MAMDC2: variants seen among roughly 807,000 people sequenced by gnomAD.
MAMDC2 encodes MAM domain-containing protein 2.
Under a neutral mutation model 89.8 loss-of-function variants are expected in MAMDC2, and 57 were observed. That is an observed-to-expected ratio of 0.63 (90% CI 0.51 to 0.79). MAMDC2 has a LOEUF of 0.79. MAMDC2 is among the 30% of genes least tolerant of loss of function. MAMDC2 has a pLI of 0.00. For missense variants in MAMDC2, 800 were observed against 820.6 expected, an observed-to-expected ratio of 0.97 and a Z score of 0.31; for synonymous variants, 313 against 293.4, an observed-to-expected ratio of 1.07 and a Z score of -0.68.
At chr9:70,144,402 T>TCCC (rs1444404885) in intron 9 of MAMDC2, among the ~76,000 whole-genome samples, 14 of 152,322 alleles carry the variant, frequency 9.2e-5, no homozygotes, top group African/African-American at 3.4e-4. Context: ...TAAAAAGAGA[T>TCCC]CTTTATTGCA....
chr9:70,129,341 G>A (rs1388810166), intron 6 of MAMDC2, among the ~76,000 whole-genome samples: 1 of 152,116 alleles, frequency 6.6e-6, no homozygotes, highest in African/African-American at 2.4e-5. Flanking sequence ...GATGTGACTT[G>A]CTCCTCTTTG....
chr9:70,144,569 A>AT (rs1268369600), intron 9 of MAMDC2, among the ~76,000 whole-genome samples: 1 of 152,216 alleles, frequency 6.6e-6, no homozygotes, highest in African/African-American at 2.4e-5. Flanking sequence ...CAATCAGCAA[A>AT]TATCTCTTGA....
intron 4 of MAMDC2, among the ~76,000 whole-genome samples, chr9:70,111,805 G>A (rs1187931878): frequency 6.6e-6 from 1 of 152,244 alleles, no homozygotes; most frequent in African/African-American, 2.4e-5. Flanking sequence ...ACAAAGGTGT[G>A]AGTGGTAAAG....
At chr9:70,151,918 T>C (rs1369755956) in intron 9 of MAMDC2, among the ~76,000 whole-genome samples, 1 of 152,166 alleles carries the variant, frequency 6.6e-6, no homozygotes, top group Admixed American at 6.5e-5. Context: ...CTAAAGCATG[T>C]CAGGTGTGTT....
intron 2 of MAMDC2, among the ~76,000 whole-genome samples, chr9:70,068,855 G>C (rs1298160981): frequency 6.6e-6 from 1 of 152,110 alleles, no homozygotes; most frequent in Non-Finnish European, 1.5e-5. Context: ...GTTTTATTAG[G>C]GGACAGAGGA....
At chr9:70,165,396 C>T (rs1181209942) in intron 9 of MAMDC2, among the ~76,000 whole-genome samples, 1 of 152,182 alleles carries the variant, frequency 6.6e-6, no homozygotes, top group Non-Finnish European at 1.5e-5. Flanking sequence ...TGTGTTAGAT[C>T]AAACAAGCTG....
chr9:70,082,566 C>G (rs1404262553), intron 2 of MAMDC2: 1 of 152,064 alleles, frequency 6.6e-6, no homozygotes, highest in South Asian at 2.1e-4. Flanking sequence ...GGAGTGCTAT[C>G]ATCTTCTAAC....
At chr9:70,166,272 T>C (rs554113198) in intron 9 of MAMDC2, among the ~76,000 whole-genome samples, 797 of 49,836 alleles carry the variant, frequency 0.016, 5 homozygotes, top group African/African-American at 0.025. Flanking sequence ...AATATATATA[T>C]ATATACACAC....
At chr9:70,075,731 T>A (rs1474015619) in intron 2 of MAMDC2, among the ~76,000 whole-genome samples, 1 of 152,130 alleles carries the variant, frequency 6.6e-6, no homozygotes, top group Non-Finnish European at 1.5e-5. Context: ...TACAATTACA[T>A]GTGTATGAAA....
At chr9:70,067,898 G>A (rs1827305634) in intron 2 of MAMDC2, among the ~76,000 whole-genome samples, 1 of 152,154 alleles carries the variant, frequency 6.6e-6, no homozygotes, top group Non-Finnish European at 1.5e-5. Context: ...GTGCCACCTT[G>A]GGCAGCCCCA....
chr9:70,215,573 G>A (rs1010469092), intron 11 of MAMDC2, among the ~76,000 whole-genome samples: 1 of 152,198 alleles, frequency 6.6e-6, no homozygotes, highest in Non-Finnish European at 1.5e-5. Context: ...TGAAATATAT[G>A]TAGTCTTTAG....
intron 2 of MAMDC2, among the ~76,000 whole-genome samples, chr9:70,085,562 T>A (rs1827751554): frequency 6.6e-6 from 1 of 152,112 alleles, no homozygotes; most frequent in South Asian, 2.1e-4. Context: ...TGACGCCATC[T>A]GTGTTTCCCA....
chr9:70,198,503 C>T (rs2033023599), intron 11 of MAMDC2, among the ~76,000 whole-genome samples: 1 of 151,990 alleles, frequency 6.6e-6, no homozygotes, highest in Admixed American at 6.6e-5. Flanking sequence ...AATATATAAG[C>T]CAAGAGTAAC....
Position 70,076,177 on chromosome 9 carries a change from C to T in MAMDC2, c.148+31480C>T, listed in dbSNP as rs576621167. The stretch of plus-strand genomic sequence containing the variant: ...GTGGCTCACGCCTGTAATCCCAGCA[C>T]TTTGGGAGGCTGAGGCGGGCAGATC... On this transcript the variant is annotated intron_variant, in intron 2 of 13. Coordinates refer to ENST00000377182, the MANE Select transcript of MAMDC2 (RefSeq NM_153267.5). Among the ~76,000 whole-genome samples the T allele has an allele frequency of 3.0e-4, 46 of 152,268 alleles. 1 individual carries two copies. Among genetic ancestry groups the T allele is most frequent in the African/African-American group, 1.1e-3 (46 of 41,556 alleles).
intron 2 of MAMDC2, among the ~76,000 whole-genome samples, chr9:70,075,133 G>A (rs1273916154): frequency 2.0e-5 from 3 of 152,152 alleles, no homozygotes; most frequent in Non-Finnish European, 2.9e-5. Context: ...ATTAGCCCTA[G>A]TTTACAGACA....
At chr9:70,126,042 C>A in intron 5 of MAMDC2, 117 bp from the exon 6 acceptor site, 1 of 1,144,918 alleles carries the variant, frequency 8.7e-7, no homozygotes, top group Non-Finnish European at 1.2e-6. Context: ...TCATCCACTT[C>A]CTCCTCACCA....
chr9:70,144,052 AAT>A (rs1250970428), intron 9 of MAMDC2, among the ~76,000 whole-genome samples: 1 of 152,178 alleles, frequency 6.6e-6, no homozygotes, highest in African/African-American at 2.4e-5. Context: ...TTATCTCTTA[AAT>A]TCCCTAAGAC....
intron 2 of MAMDC2, among the ~76,000 whole-genome samples, chr9:70,067,932 A>G (rs1187432029): frequency 6.6e-6 from 1 of 152,240 alleles, no homozygotes; most frequent in East Asian, 1.9e-4. Flanking sequence ...GTGCTGAGCC[A>G]TGTGATCTTA....
Position 70,108,198 on chromosome 9 carries a change from T to C in MAMDC2, c.149-13T>C, listed in dbSNP as rs781446868. ...AAAATTGATCCTTTTCCTATGTTCCTTTCTCTTTCCAGGCCATTACATTTA... is the reference window on the plus strand; with the variant it reads ...AAAATTGATCCTTTTCCTATGTTCCCTTCTCTTTCCAGGCCATTACATTTA... On this transcript the variant is annotated splice_polypyrimidine_tract_variant and intron_variant, in intron 2 of 13. Coordinates refer to ENST00000377182, the MANE Select transcript of MAMDC2 (RefSeq NM_153267.5). The C allele has an allele frequency of 6.5e-7, 1 of 1,547,198 alleles. No individual in the cohort carries two copies. The highest frequency in any genetic ancestry group is 2.1e-5 in the Admixed American group (1 of 47,094).
Sources: gnomAD v4.1 joint callset for allele counts (sites outside exome capture counted in the v4.1 genomes callset) on GRCh38, gnomAD v4.1.1 for gene constraint, MANE v1.5 for transcripts, NCBI Gene and HGNC (gene_info 2026-07-23, HGNC 2026-07-21) for gene names.